Variants in IL16 observed in about 807,000 individuals in gnomAD.
IL16 encodes interleukin 16.
Under a neutral mutation model 110.1 loss-of-function variants are expected in IL16, and 67 were observed. The observed-to-expected ratio is 0.61, with a 90% CI of 0.50 to 0.75. IL16 has a LOEUF of 0.75. Among genes scored for constraint, IL16 ranks in the 30% least tolerant of loss-of-function variants. IL16 has a pLI of 0.00. For synonymous variants in IL16, 689 were observed against 662.9 expected (o/e 1.04, Z -0.61); for missense variants, 1,545 against 1,655.0 (o/e 0.93, Z 1.15).
At chr15:81,191,995 G>A (rs753113785), upstream of IL16, among the ~76,000 whole-genome samples, 4 of 152,186 alleles carry the variant, frequency 2.6e-5, no homozygotes, top group Non-Finnish European at 5.9e-5. Flanking sequence ...GGAGCACAGG[G>A]CATTTTTGGG....
chr15:81,294,767 C>T (rs539927644), intron 12 of IL16, among the ~76,000 whole-genome samples: 1 of 152,220 alleles, frequency 6.6e-6, no homozygotes, highest in South Asian at 2.1e-4. Flanking sequence ...ACTGGAGAGG[C>T]GGGGGTCACA....
intron 2 of IL16, among the ~76,000 whole-genome samples, chr15:81,253,563 A>G (rs1377914426): frequency 1.3e-5 from 2 of 152,122 alleles, no homozygotes; most frequent in African/African-American, 4.8e-5. Flanking sequence ...ATTTACTCCT[A>G]TATTTTCTTT....
At position 81,285,766 on chromosome 15, in the gene IL16, C is replaced by T. The variant is rs781136221; in HGVS notation, c.1268C>T (p.Thr423Met). 18 of 1,614,082 alleles carry T rather than the reference C, an allele frequency of 1.1e-5. No individual in the cohort carries two copies. Among genetic ancestry groups the T allele is most frequent in the Admixed American group, 6.7e-5 (4 of 60,032 alleles). ...VHCLTLNEVY[T>M]ILSHCDPGPV... ...TGCCTGACGCTCAATGAAGTCTACA[C>T]GATCCTGAGTCACTGTGATCCCGGT... is the stretch of plus-strand genomic sequence containing the variant. Residue 423 changes from threonine (T) to methionine (M), a missense_variant, in exon 10 of 19, where the codon ACG becomes ATG. Physicochemically the swap from Thr to Met is moderately conservative, Grantham distance 81 (BLOSUM62 -1). Transcript: ENST00000683961.
Position 81,303,346 on chromosome 15 carries a change from ATTT to A in IL16, c.3319-195_3319-193del. 1.9e-6 allele frequency: 1 copy of A among 527,952 alleles called. No homozygotes were observed. Among genetic ancestry groups the A allele is most frequent in the Non-Finnish European group, 3.4e-6 (1 of 294,974 alleles). 32.7% of individuals were successfully genotyped at this position (527,952 alleles called of 1,614,324 possible). On this transcript the variant is annotated intron_variant, in intron 15 of 18. Coordinates refer to ENST00000683961, the MANE Select transcript of IL16 (RefSeq NM_172217.5). The surrounding 1 kb of genome is among the most constrained non-coding windows in gnomAD (Gnocchi z 4.1). Reference sequence around the variant, plus strand: ...TAATTATGCTTGCTGCTTTACATACATTTTTTTTTTCTTCTAAGCTTCCCATGA... The same window carrying A: ...TAATTATGCTTGCTGCTTTACATACATTTTTTTCTTCTAAGCTTCCCATGA...
At chr15:81,277,765 C>T (rs1297474106) in intron 6 of IL16, among the ~76,000 whole-genome samples, 1 of 152,124 alleles carries the variant, frequency 6.6e-6, no homozygotes, top group African/African-American at 2.4e-5. Context: ...GGATCATATA[C>T]AATGGAACCA....
At chr15:81,300,647 C>G (rs1243429908) in intron 14 of IL16, among the ~76,000 whole-genome samples, 172 bp downstream of exon 14, 1 of 149,564 alleles carries the variant, frequency 6.7e-6, no homozygotes, top group African/African-American at 2.5e-5. Flanking sequence ...GTGTGTGTGT[C>G]TGTCTGTAGG....
At chr15:81,199,043 A>T (rs199537967) in intron 1 of IL16, among the ~76,000 whole-genome samples, 4 of 135,448 alleles carry the variant, frequency 3.0e-5, no homozygotes, top group Non-Finnish European at 3.2e-5. Flanking sequence ...ATATATATAT[A>T]TATATATATA....
chr15:81,213,699 C>T (rs1199971963), intron 1 of IL16, among the ~76,000 whole-genome samples: 2 of 151,976 alleles, frequency 1.3e-5, no homozygotes, highest in African/African-American at 4.8e-5. Context: ...AAAATAGTGA[C>T]TCCTGTTCTT....
At chr15:81,182,861 G>A (rs987579361) in exon 1 of IL16, 1 of 1,289,474 alleles carries the variant, frequency 7.8e-7, no homozygotes, top group Non-Finnish European at 1.0e-6. Context: ...TGTGCAATGA[G>A]TTTGCAGAAG....
intron 2 of IL16, among the ~76,000 whole-genome samples, chr15:81,226,948 A>G (rs988222937): frequency 3.3e-5 from 5 of 152,248 alleles, no homozygotes; most frequent in Non-Finnish European, 5.9e-5. Flanking sequence ...GCAGAATCCT[A>G]GAATGGATTA....
Position 81,293,039 on chromosome 15 carries a change from TA to T in IL16, c.1902+4del. 6.2e-7 allele frequency: 1 copy of T among 1,601,918 alleles called. No individual in the cohort carries two copies. ...CACACCCCACCCACCTGTGGCCAGG[TA>T]AGAGGATGGGTCCACAGGTTGAGTG... On this transcript the variant is annotated splice_donor_region_variant and intron_variant, in intron 12 of 18. Coordinates refer to ENST00000683961, the MANE Select transcript of IL16 (RefSeq NM_172217.5).
chr15:81,230,182 A>C (rs1595971662), intron 2 of IL16, among the ~76,000 whole-genome samples: 2 of 152,242 alleles, frequency 1.3e-5, no homozygotes, highest in African/African-American at 2.4e-5. Flanking sequence ...GGAGAATGTC[A>C]AAAGTCAGGC....
intron 12 of IL16, among the ~76,000 whole-genome samples, chr15:81,294,453 G>A (rs902739667): frequency 4.6e-5 from 7 of 152,208 alleles, no homozygotes; most frequent in Non-Finnish European, 7.3e-5. Flanking sequence ...TCCCAGTGAT[G>A]CCCTTGGCAG....
In IL16 at chr15:81,313,379, GA is replaced by G; in HGVS notation, c.*4582del. On this transcript the variant is annotated 3_prime_UTR_variant, in exon 19 of 19. Transcript: ENST00000683961. ...CGCTGAGGTCGGTATGGAAGAATGTGACCAGGTTGGTCTTGGTGGGTTCCCT... is the reference window on the plus strand; with the variant it reads ...CGCTGAGGTCGGTATGGAAGAATGTGCCAGGTTGGTCTTGGTGGGTTCCCT... 1 of 1,569,600 alleles carries G rather than the reference GA, an allele frequency of 6.4e-7. No individual in the cohort carries two copies.
rs1176704153 is a variant in IL16 at position 81,301,489 on chromosome 15, G to C, written c.3295G>C (p.Val1099Leu). 2 of 1,613,182 alleles carry C rather than the reference G, an allele frequency of 1.2e-6. No homozygotes were observed. Among genetic ancestry groups the C allele is most frequent in the Non-Finnish European group, 1.7e-6 (2 of 1,179,812 alleles). ...ELKKLIEEVK[V>L]LDEATLKQLD... is the part of the protein sequence containing the mutation. ...AAAAAAACTCATCGAGGAGGTGAAG[G>C]TTCTGGATGAAGCAACATTAAAGGT... The change falls in exon 15 of 19, where the codon GTT becomes CTT. Residue 1099 changes from valine (V) to leucine (L), a missense_variant. Physicochemically the swap from Val to Leu is conservative, Grantham distance 32. This residue lies in a region of IL16 where 356 missense variants were observed against 399.3 expected (regional missense o/e 0.89). Transcript: ENST00000683961.
chr15:81,216,392 T>C (rs1268429025), intron 1 of IL16, among the ~76,000 whole-genome samples: 4 of 152,216 alleles, frequency 2.6e-5, no homozygotes, highest in Non-Finnish European at 5.9e-5. Context: ...GGAACTAGCC[T>C]AATAGCGTTT....
In IL16 at chr15:81,279,491, T is replaced by C. The variant is rs1899068776; in HGVS notation, c.865-67T>C. 3.5e-6 allele frequency: 4 copies of C among 1,129,272 alleles called. No homozygotes were observed. The Admixed American group carries it at 5.9e-5, about 17-fold the overall frequency. 70.0% of individuals were successfully genotyped at this position (1,129,272 alleles called of 1,614,324 possible). A position where few individuals can be genotyped will look rare whatever the true frequency, so the allele number is the denominator to read the frequency against. The stretch of plus-strand genomic sequence containing the variant: ...ACACACACACAGAGGTGTGTTTCCT[T>C]AAACAGTATTTCTTCATCTCACCCT... On this transcript the variant is annotated intron_variant, in intron 7 of 18. Coordinates refer to ENST00000683961, the MANE Select transcript of IL16 (RefSeq NM_172217.5).
At chr15:81,305,491 C>T (rs1460871798) in intron 16 of IL16, among the ~76,000 whole-genome samples, 1 of 152,140 alleles carries the variant, frequency 6.6e-6, no homozygotes, top group Non-Finnish European at 1.5e-5. Flanking sequence ...CTGGGAGACC[C>T]TGTCTCTATT....
intron 2 of IL16, among the ~76,000 whole-genome samples, chr15:81,228,177 G>A (rs191340544): frequency 6.6e-6 from 1 of 152,244 alleles, no homozygotes; most frequent in East Asian, 1.9e-4. Flanking sequence ...CTATCACTCT[G>A]TCCTTGTACC....
Sources: gnomAD v4.1 joint callset for allele counts (sites outside exome capture counted in the v4.1 genomes callset) on GRCh38, gnomAD v4.1.1 for gene constraint, gnomAD v4.1.1 regional missense constraint, Gnocchi (gnomAD v3.1) non-coding constraint, MANE v1.5 for transcripts, NCBI Gene and HGNC (gene_info 2026-07-23, HGNC 2026-07-21) for gene names.